The following LRRC58 variants were observed in gnomAD, a reference collection of about 807,000 sequenced individuals.
LRRC58 encodes the protein leucine rich repeat containing 58, also known as leucine-rich repeat-containing protein 58.
Under a neutral mutation model 30.6 loss-of-function variants are expected in LRRC58, and 18 were observed. That is an observed-to-expected ratio of 0.59 (90% CI 0.41 to 0.87). LRRC58 has a LOEUF of 0.87. Among genes scored for constraint, LRRC58 ranks in the 40% least tolerant of loss-of-function variants. LRRC58 has a pLI of 0.00. For missense variants in LRRC58, 420 were observed against 468.4 expected, an observed-to-expected ratio of 0.90 and a Z score of 0.95; for synonymous variants, 221 against 206.0, an observed-to-expected ratio of 1.07 and a Z score of -0.62.
rs1936017085 is a variant in LRRC58 at position 120,349,022 on chromosome 3, G to A, written c.222C>T (p.Asp74=). ...GSGFPHLQLL[D]VSGNALTALG... Reference sequence around the variant, plus strand: ...GCGCGGTCAACGCGTTGCCGCTCACGTCCAGCAGCTGGAGGTGCGGGAAGC... The same window carrying A: ...GCGCGGTCAACGCGTTGCCGCTCACATCCAGCAGCTGGAGGTGCGGGAAGC... The change falls in exon 1 of 4, where the codon GAC becomes GAT. Residue 74 remains aspartate, a synonymous_variant. Coordinates refer to ENST00000295628, the MANE Select transcript of LRRC58 (RefSeq NM_001099678.2). 6.6e-7 allele frequency: 1 copy of A among 1,519,480 alleles called. No homozygotes were observed. The highest frequency in any genetic ancestry group is 8.8e-7 in the Non-Finnish European group (1 of 1,141,102). 94.1% of individuals were successfully genotyped at this position (1,519,480 alleles called of 1,614,324 possible).
Position 120,329,712 on chromosome 3 carries a change from GA to G in LRRC58, c.*1487del, listed in dbSNP as rs1935727957. On this transcript the variant is annotated 3_prime_UTR_variant, in exon 4 of 4. Coordinates refer to ENST00000295628, the MANE Select transcript of LRRC58 (RefSeq NM_001099678.2). ...GGTGTGCCATGAATGCCAGAAATCA[GA>G]AAAGGTACACCTGATGTTCTAATGC... is the stretch of plus-strand genomic sequence containing the variant. 4.2e-5 allele frequency: 2 copies of G among 47,774 alleles called. No individual in the cohort carries two copies. Among genetic ancestry groups the G allele is most frequent in the South Asian group, 1.4e-3 (2 of 1,442 alleles). The allele number at this position is 47,774 out of a possible 1,614,324, so 3.0% of individuals were successfully genotyped here.
At chr3:120,341,627 G>A (rs910471945) in intron 1 of LRRC58, among the ~76,000 whole-genome samples, 5 of 152,140 alleles carry the variant, frequency 3.3e-5, no homozygotes, top group Admixed American at 6.5e-5. Context: ...TGGAGCCCTC[G>A]TTAATGGGAT....
At chr3:120,338,617 C>T (rs1935865386) in intron 1 of LRRC58, among the ~76,000 whole-genome samples, 2 of 152,180 alleles carry the variant, frequency 1.3e-5, no homozygotes, top group African/African-American at 4.8e-5. Flanking sequence ...ATCTAAATGA[C>T]TGAGTACAAA....
At position 120,329,669 on chromosome 3, in the gene LRRC58, A is replaced by C. The variant is rs1383836500; in HGVS notation, c.*1531T>G. Reference sequence around the variant, plus strand: ...ATACATGTATATGTTATTATACAACAATCTGCTTTTAAGAAATGGTGTGCC... The same window carrying C: ...ATACATGTATATGTTATTATACAACCATCTGCTTTTAAGAAATGGTGTGCC... On this transcript the variant is annotated 3_prime_UTR_variant, in exon 4 of 4. Coordinates refer to ENST00000295628, the MANE Select transcript of LRRC58 (RefSeq NM_001099678.2). 2.6e-5 allele frequency: 4 copies of C among 151,106 alleles called. No homozygotes were observed. Among genetic ancestry groups the C allele is most frequent in the South Asian group, 4.2e-4 (2 of 4,778 alleles). The allele number at this position is 151,106 out of a possible 1,614,324, so 9.4% of individuals were successfully genotyped here. A position where few individuals can be genotyped will look rare whatever the true frequency, so the allele number is the denominator to read the frequency against.
intron 1 of LRRC58, among the ~76,000 whole-genome samples, chr3:120,339,338 T>C (rs1405439809): frequency 6.6e-6 from 1 of 152,248 alleles, no homozygotes. Context: ...ACCCCGATTT[T>C]CTACCAATTT....
Position 120,347,301 on chromosome 3 carries a change from A to C in LRRC58, c.500+1443T>G, listed in dbSNP as rs140775115. Among the ~76,000 whole-genome samples the C allele has an allele frequency of 9.1e-4, 136 of 150,150 alleles. 1 individual carries two copies. Among genetic ancestry groups the C allele is most frequent in the African/African-American group, 3.2e-3 (132 of 40,918 alleles). Reference sequence around the variant, plus strand: ...ATTTGTAGATTAGAAAGCTACAGTTAGGATACGCTACAGTTAGGATACAAG... The same window carrying C: ...ATTTGTAGATTAGAAAGCTACAGTTCGGATACGCTACAGTTAGGATACAAG... On this transcript the variant is annotated intron_variant, in intron 1 of 3. Coordinates refer to ENST00000295628, the MANE Select transcript of LRRC58 (RefSeq NM_001099678.2).
intron 3 of LRRC58, among the ~76,000 whole-genome samples, chr3:120,333,265 T>C (rs2107621968): frequency 6.6e-6 from 1 of 152,290 alleles, no homozygotes; most frequent in South Asian, 2.1e-4. Context: ...ATTAAGGAAA[T>C]ATTTAAGAGA....
At chr3:120,346,745 C>T (rs1204765966) in intron 1 of LRRC58, among the ~76,000 whole-genome samples, 1 of 152,172 alleles carries the variant, frequency 6.6e-6, no homozygotes, top group East Asian at 1.9e-4. Flanking sequence ...TAGCATTTCT[C>T]CTAGTATCAA....
In LRRC58 at chr3:120,326,783, T is replaced by C. The variant is rs1380227353; in HGVS notation, c.*4417A>G. The C allele has an allele frequency of 2.0e-5, 3 of 152,180 alleles. No homozygotes were observed. The highest frequency in any genetic ancestry group is 2.0e-4 in the Admixed American group (3 of 15,282). 9.4% of individuals were successfully genotyped at this position (152,180 alleles called of 1,614,324 possible). ...CCTCATATATACATAATATAACCGA[T>C]AGTTTTGTCTACCAAGGGTCTTATG... is the stretch of plus-strand genomic sequence containing the variant. On this transcript the variant is annotated 3_prime_UTR_variant, in exon 4 of 4. Transcript: ENST00000295628.
At chr3:120,339,576 A>T (rs1935877925) in intron 1 of LRRC58, among the ~76,000 whole-genome samples, 1 of 152,160 alleles carries the variant, frequency 6.6e-6, no homozygotes, top group Admixed American at 6.5e-5. Context: ...AAAATTTCAG[A>T]TTGGCAGTTA....
chr3:120,347,379 CT>C lies in LRRC58; in HGVS notation c.500+1364del, dbSNP rs796116731. On this transcript the variant is annotated intron_variant, in intron 1 of 3. Coordinates refer to ENST00000295628, the MANE Select transcript of LRRC58 (RefSeq NM_001099678.2). ...AGTTCTTTTTTCCCAGGCCAATATT[CT>C]TTTTTTTTTTTTTTTTTTTTTTGAG... Among the ~76,000 whole-genome samples the C allele has an allele frequency of 2.6e-3, 142 of 54,852 alleles. 3 individuals are homozygous for C. Among genetic ancestry groups the C allele is most frequent in the Non-Finnish European group, 3.4e-3 (98 of 28,766 alleles). 36.0% of individuals were successfully genotyped at this position (54,852 alleles called of 152,430 possible). A position where few individuals can be genotyped will look rare whatever the true frequency, so the allele number is the denominator to read the frequency against.
At chr3:120,331,931 T>C (rs1194659535) in intron 3 of LRRC58, among the ~76,000 whole-genome samples, 2 of 152,250 alleles carry the variant, frequency 1.3e-5, no homozygotes, top group African/African-American at 4.8e-5. Flanking sequence ...CCAAAGACTG[T>C]AAATCTACAG....
intron 1 of LRRC58, 63 bp from the exon 2 acceptor site, chr3:120,336,016 T>G (rs1227431318): frequency 1.6e-6 from 2 of 1,212,240 alleles, no homozygotes; most frequent in Non-Finnish European, 2.3e-6. Flanking sequence ...CCCCATTGTG[T>G]CTACTACAAA....
intron 1 of LRRC58, among the ~76,000 whole-genome samples, chr3:120,347,376 A>ATTTTTTTTTTTTTTTTTTTTTTTTT (rs1208688984): frequency 5.9e-5 from 3 of 51,102 alleles, no homozygotes; most frequent in South Asian, 7.6e-4. Flanking sequence ...CCAGGCCAAT[A>ATTTTTTTTTTTTTTTTTTTTTTTTT]TTCTTTTTTT....
chr3:120,339,097 A>G (rs1188379890), intron 1 of LRRC58, among the ~76,000 whole-genome samples: 3 of 152,170 alleles, frequency 2.0e-5, no homozygotes, highest in Non-Finnish European at 4.4e-5. Context: ...TGTGTTTTCT[A>G]TTATCATGGT....
chr3:120,347,307 C>T (rs1367275139), intron 1 of LRRC58, among the ~76,000 whole-genome samples: 3 of 150,292 alleles, frequency 2.0e-5, no homozygotes, highest in South Asian at 2.1e-4. Flanking sequence ...AGTTAGGATA[C>T]GCTACAGTTA....
chr3:120,335,062 T>C lies in LRRC58; in HGVS notation c.707A>G (p.His236Arg). ...YLPREILNLI[H>R]LEELSLRGNP... ...TCCTCGTAAACTCAACTCTTCCAAA[T>C]GAATAAGGTTGAGGATCTCTCGAGG... Residue 236 changes from histidine to arginine, a missense_variant, in exon 3 of 4, where the codon CAT (histidine) becomes CGT (arginine). By Grantham distance (29) the His-to-Arg change is conservative (BLOSUM62 0). Coordinates refer to ENST00000295628, the MANE Select transcript of LRRC58 (RefSeq NM_001099678.2). 1.2e-6 allele frequency: 2 copies of C among 1,613,940 alleles called. No individual in the cohort carries two copies. The highest frequency in any genetic ancestry group is 1.7e-6 in the Non-Finnish European group (2 of 1,179,870).
chr3:120,335,083 C>A lies in LRRC58; in HGVS notation c.686G>T (p.Arg229Leu), dbSNP rs767568275. 6.2e-7 allele frequency: 1 copy of A among 1,613,880 alleles called. No homozygotes were observed. Among genetic ancestry groups the A allele is most frequent in the South Asian group, 1.1e-5 (1 of 91,070 alleles). ...CAAATGAATAAGGTTGAGGATCTCT[C>A]GAGGCAGATATGTCAGCAAGTTATT... ...LHNNLLTYLP[R>L]EILNLIHLEE... Residue 229 changes from arginine to leucine, a missense_variant, in exon 3 of 4, where the codon CGA (arginine) becomes CTA (leucine). Around this residue, in one of 2 missense-constraint regions of LRRC58, gnomAD observed 154 missense variants for 216.8 expected, o/e 0.71. Coordinates refer to ENST00000295628, the MANE Select transcript of LRRC58 (RefSeq NM_001099678.2).
In LRRC58 at chr3:120,349,189, A is replaced by C. The variant is rs1228093044; in HGVS notation, c.55T>G (p.Ser19Ala). Residue 19 changes from serine (S) to alanine (A), a missense_variant, in exon 1 of 4, where the codon TCC becomes GCC. By Grantham distance (99) the Ser-to-Ala change is moderately conservative. Around this residue, in one of 2 missense-constraint regions of LRRC58, gnomAD observed 266 missense variants for 251.7 expected, o/e 1.06. Coordinates refer to ENST00000295628, the MANE Select transcript of LRRC58 (RefSeq NM_001099678.2). ...GTCTCGGTGGACACGCTGAGGCGGG[A>C]CCAGTTCAGTTCGGCCTCCCCGGCC... is the stretch of plus-strand genomic sequence containing the variant. ...VTAGEAELNW[S>A]RLSVSTETLE... 2 of 1,480,910 alleles carry C rather than the reference A, an allele frequency of 1.4e-6. No individual in the cohort carries two copies. The highest frequency in any genetic ancestry group is 1.8e-6 in the Non-Finnish European group (2 of 1,123,388). 91.7% of individuals were successfully genotyped at this position (1,480,910 alleles called of 1,614,324 possible). A position where few individuals can be genotyped will look rare whatever the true frequency, so the allele number is the denominator to read the frequency against.
Sources: gnomAD v4.1 joint callset for allele counts (sites outside exome capture counted in the v4.1 genomes callset) on GRCh38, gnomAD v4.1.1 for gene constraint, gnomAD v4.1.1 regional missense constraint, MANE v1.5 for transcripts, NCBI Gene and HGNC (gene_info 2026-07-23, HGNC 2026-07-21) for gene names.